Variants in DHRS7B observed in about 807,000 individuals in gnomAD.
DHRS7B encodes the protein peroxisomal reductase activating PPAR-gamma.
In DHRS7B, 24 loss-of-function variants were observed where a neutral mutation model predicts 26.4. The ratio of observed to expected loss-of-function variants is 0.91; its 90% confidence interval spans 0.66 to 1.28. DHRS7B has a LOEUF of 1.28. Among genes scored for constraint, DHRS7B ranks in the 50% most tolerant of loss-of-function variants. The probability of loss-of-function intolerance (pLI) is 0.00; values close to 1 mark genes in which losing one functional copy is unlikely to be tolerated. For missense variants in DHRS7B, 368 were observed against 419.4 expected (o/e 0.88, Z 1.07); for synonymous variants, 142 against 166.4 (o/e 0.85, Z 1.13).
At chr17:21,153,223 C>T (rs1421420092) in intron 1 of DHRS7B, among the ~76,000 whole-genome samples, 1 of 152,008 alleles carries the variant, frequency 6.6e-6, no homozygotes, top group Non-Finnish European at 1.5e-5. Flanking sequence ...AAACAAAATG[C>T]TAGAAATCAA....
At position 21,169,810 on chromosome 17, in the gene DHRS7B, G is replaced by C. The variant is rs1302403240; in HGVS notation, c.21-2208G>C. 2.0e-5 allele frequency among the ~76,000 whole-genome samples: 3 copies of C among 152,198 alleles called. No homozygotes were observed. In the East Asian group the frequency reaches 5.8e-4, roughly 30 times the overall value. On this transcript the variant is annotated intron_variant, in intron 1 of 6. Coordinates refer to ENST00000395511, the MANE Select transcript of DHRS7B (RefSeq NM_015510.5). Reference sequence around the variant, plus strand: ...GTTTCCACCCAACACGCCTAGTGGGGCTCTGGGTCCCGGCCCCAGAGGCTG... The same window carrying C: ...GTTTCCACCCAACACGCCTAGTGGGCCTCTGGGTCCCGGCCCCAGAGGCTG...
intron 2 of DHRS7B, among the ~76,000 whole-genome samples, chr17:21,176,968 C>T (rs535394752): frequency 3.4e-4 from 52 of 152,180 alleles, no homozygotes; most frequent in African/African-American, 1.1e-3. Flanking sequence ...GAAGCAACGA[C>T]GCCACCCTCT....
chr17:21,129,900 G>A (rs377730426), intron 1 of DHRS7B, among the ~76,000 whole-genome samples: 2 of 152,226 alleles, frequency 1.3e-5, no homozygotes, highest in East Asian at 3.9e-4. Flanking sequence ...AGACTTGACA[G>A]CACCATTTGC....
At chr17:21,184,852 G>A (rs886418922) in intron 5 of DHRS7B, among the ~76,000 whole-genome samples, 2 of 152,130 alleles carry the variant, frequency 1.3e-5, no homozygotes, top group Non-Finnish European at 2.9e-5. Flanking sequence ...CATCACTTTG[G>A]GGCATATGCT....
In DHRS7B at chr17:21,188,730, A is replaced by G. The variant is rs1413512855; in HGVS notation, c.639A>G (p.Ala213=). 3.7e-6 allele frequency: 6 copies of G among 1,602,108 alleles called. No individual in the cohort carries two copies. Among genetic ancestry groups the G allele is most frequent in the Non-Finnish European group, 5.1e-6 (6 of 1,173,742 alleles). ...GTGTAGATGCAGCCTCCAAGCACGC[A>G]ACCCAGGCTTTCTTTGACTGTCTGC... ...FRSAYAASKH[A]TQAFFDCLRA... Residue 213 remains alanine (A), a synonymous_variant, in exon 6 of 7, where the codon GCA becomes GCG. Transcript: ENST00000395511.
intron 3 of DHRS7B, among the ~76,000 whole-genome samples, chr17:21,180,996 C>A (rs1157482989): frequency 1.3e-5 from 2 of 152,180 alleles, no homozygotes; most frequent in Admixed American, 1.3e-4. Flanking sequence ...GTTTTACAGT[C>A]TTTTATCTCC....
intron 6 of DHRS7B, among the ~76,000 whole-genome samples, chr17:21,189,887 G>T (rs1974738307): frequency 6.6e-6 from 1 of 152,230 alleles, no homozygotes; most frequent in African/African-American, 2.4e-5. Flanking sequence ...GTTTCATATG[G>T]CTAGGCACTG....
chr17:21,145,741 CTT>C (rs1407195314), intron 1 of DHRS7B, among the ~76,000 whole-genome samples: 7 of 152,162 alleles, frequency 4.6e-5, no homozygotes, highest in African/African-American at 1.7e-4. Flanking sequence ...ATAATCAACA[CTT>C]TATTATAAAA....
intron 1 of DHRS7B, among the ~76,000 whole-genome samples, chr17:21,147,559 G>T (rs1973668972): frequency 6.6e-6 from 1 of 152,176 alleles, no homozygotes; most frequent in Non-Finnish European, 1.5e-5. Flanking sequence ...GATGGTAAGA[G>T]AATTGGACTT....
At chr17:21,185,524 C>A (rs1368560218) in intron 5 of DHRS7B, among the ~76,000 whole-genome samples, 1 of 152,188 alleles carries the variant, frequency 6.6e-6, no homozygotes, top group Admixed American at 6.5e-5. Context: ...ATCATACATG[C>A]TTGTACATGC....
chr17:21,179,807 C>A (rs1274963954), intron 3 of DHRS7B, among the ~76,000 whole-genome samples: 1 of 149,094 alleles, frequency 6.7e-6, no homozygotes, highest in Non-Finnish European at 1.5e-5. Flanking sequence ...ACTCTTGTTG[C>A]CGAGGCTGGA....
intron 1 of DHRS7B, among the ~76,000 whole-genome samples, chr17:21,157,286 C>T (rs1385427576): frequency 6.6e-6 from 1 of 152,218 alleles, no homozygotes; most frequent in African/African-American, 2.4e-5. Context: ...CAATGTCTCT[C>T]ATGAGCATAG....
At chr17:21,176,147 C>CA (rs1974373365) in intron 2 of DHRS7B, among the ~76,000 whole-genome samples, 1 of 151,996 alleles carries the variant, frequency 6.6e-6, no homozygotes, top group African/African-American at 2.4e-5. Flanking sequence ...TGCGCCACCA[C>CA]ACCTGGCTAA....
At chr17:21,164,847 A>T (rs1050723598) in intron 1 of DHRS7B, among the ~76,000 whole-genome samples, 5 of 152,220 alleles carry the variant, frequency 3.3e-5, no homozygotes, top group Non-Finnish European at 7.3e-5. Context: ...TGAGTGCACG[A>T]CATCCAGGAT....
chr17:21,187,581 G>A (rs980077869), intron 5 of DHRS7B, among the ~76,000 whole-genome samples: 3 of 148,378 alleles, frequency 2.0e-5, no homozygotes, highest in Non-Finnish European at 4.5e-5. Flanking sequence ...AGCCAAGATC[G>A]TGCCACTGCA....
At chr17:21,146,351 A>G (rs531176148) in intron 1 of DHRS7B, among the ~76,000 whole-genome samples, 51 of 152,332 alleles carry the variant, frequency 3.3e-4, no homozygotes, top group African/African-American at 1.1e-3. Flanking sequence ...CAGTGAGCTG[A>G]GATCACACTA....
At position 21,172,126 on chromosome 17, in the gene DHRS7B, G is replaced by T. The variant is rs772653919; in HGVS notation, c.129G>T (p.Trp43Cys). Reference protein sequence around the residue: ...GVFGLFRLLQWVRGKAYLRNA... With the variant: ...GVFGLFRLLQCVRGKAYLRNA... The stretch of plus-strand genomic sequence containing the variant: ...TCGGCCTCTTCCGGCTGCTGCAGTG[G>T]GTGCGCGGGAAGGCCTACCTGCGGA... The change falls in exon 2 of 7, where the codon TGG (tryptophan) becomes TGT (cysteine). Residue 43 changes from tryptophan to cysteine, a missense_variant. Coordinates refer to ENST00000395511, the MANE Select transcript of DHRS7B (RefSeq NM_015510.5). 1 of 1,614,144 alleles carries T rather than the reference G, an allele frequency of 6.2e-7. No individual in the cohort carries two copies.
At chr17:21,183,094 C>T (rs1974549545) in intron 3 of DHRS7B, among the ~76,000 whole-genome samples, 1 of 152,108 alleles carries the variant, frequency 6.6e-6, no homozygotes, top group Admixed American at 6.5e-5. Context: ...TTTTTTATTT[C>T]TTCTTGAGTC....
chr17:21,141,619 C>CAAAAAAAAAAAA (rs71357469), intron 1 of DHRS7B, among the ~76,000 whole-genome samples: 16 of 14,350 alleles, frequency 1.1e-3, no homozygotes, highest in Non-Finnish European at 1.6e-3. Context: ...AGCAAGAAAG[C>CAAAAAAAAAAAA]AAAAAAAAAA....
Sources: gnomAD v4.1 joint callset for allele counts (sites outside exome capture counted in the v4.1 genomes callset) on GRCh38, gnomAD v4.1.1 for gene constraint, MANE v1.5 for transcripts, NCBI Gene and HGNC (gene_info 2026-07-23, HGNC 2026-07-21) for gene names.